Variants in ZNF704 observed in about 807,000 individuals in gnomAD.
ZNF704 encodes the protein glucocorticoid induced gene 1.
Under a neutral mutation model 44.7 loss-of-function variants are expected in ZNF704, and 10 were observed. That is an observed-to-expected ratio of 0.22 (90% CI 0.14 to 0.38). The LOEUF (loss-of-function observed/expected upper bound fraction) is 0.38, where lower values mean the gene tolerates loss of function less well. Among genes scored for constraint, ZNF704 ranks in the 10% least tolerant of loss-of-function variants. The pLI is 1.00. For synonymous variants in ZNF704, 211 were observed against 207.6 expected (o/e 1.02, Z -0.14); for missense variants, 390 against 545.5 (o/e 0.71, Z 2.84).
In ZNF704 at chr8:80,636,804, T is replaced by C. The variant is rs555405023; in HGVS notation, c.*4562A>G. On this transcript the variant is annotated 3_prime_UTR_variant, in exon 9 of 9. Coordinates refer to ENST00000327835, the MANE Select transcript of ZNF704 (RefSeq NM_001033723.3). Reference sequence around the variant, plus strand: ...TCAGTGCTACAGAAGATGTGGTCGATAGCAATTCTACAGGGTCATGAGAAA... The same window carrying C: ...TCAGTGCTACAGAAGATGTGGTCGACAGCAATTCTACAGGGTCATGAGAAA... 6 of 152,356 alleles carry C rather than the reference T, an allele frequency of 3.9e-5. No individual in the cohort carries two copies. Among genetic ancestry groups the C allele is most frequent in the Admixed American group, 2.6e-4 (4 of 15,298 alleles). The allele number at this position is 152,356 out of a possible 1,614,324, so 9.4% of individuals were successfully genotyped here. A position where few individuals can be genotyped will look rare whatever the true frequency, so the allele number is the denominator to read the frequency against.
intron 2 of ZNF704, among the ~76,000 whole-genome samples, chr8:80,779,441 T>A (rs2129697600): frequency 6.6e-6 from 1 of 152,194 alleles, no homozygotes; most frequent in Admixed American, 6.5e-5. Context: ...AGTTTTGAAA[T>A]CCTTTTATGT....
intron 2 of ZNF704, among the ~76,000 whole-genome samples, chr8:80,721,440 C>A (rs1336202813): frequency 6.6e-6 from 1 of 151,974 alleles, no homozygotes; most frequent in East Asian, 1.9e-4. Flanking sequence ...GTTTTGCATT[C>A]GAAGTTTCAC....
chr8:80,660,473 A>G (rs1372571696), intron 6 of ZNF704, among the ~76,000 whole-genome samples: 2 of 138,140 alleles, frequency 1.4e-5, no homozygotes, highest in South Asian at 2.1e-4. Context: ...CTTGTCTCAA[A>G]AAAAAAAAAA....
chr8:80,701,736 G>A (rs532785787), intron 2 of ZNF704, among the ~76,000 whole-genome samples: 14 of 152,334 alleles, frequency 9.2e-5, no homozygotes, highest in Admixed American at 7.2e-4. Context: ...ATTAAGTGAT[G>A]TAGAGAGATC....
At chr8:80,807,538 C>A (rs1039526821) in intron 2 of ZNF704, among the ~76,000 whole-genome samples, 2 of 151,682 alleles carry the variant, frequency 1.3e-5, no homozygotes, top group Non-Finnish European at 2.9e-5. Flanking sequence ...TTGACCCCCC[C>A]CAAAAAAAAG....
At chr8:80,646,781 G>C (rs1817841544) in intron 7 of ZNF704, among the ~76,000 whole-genome samples, 1 of 152,116 alleles carries the variant, frequency 6.6e-6, no homozygotes, top group African/African-American at 2.4e-5. Flanking sequence ...GACATCTACA[G>C]TCACTGTAGA....
Position 80,660,487 on chromosome 8 carries a change from A to C in ZNF704, c.928-798T>G, listed in dbSNP as rs1330872180. Among the ~76,000 whole-genome samples, 30 of 150,328 alleles carry C rather than the reference A, an allele frequency of 2.0e-4. 1 individual carries two copies. In the South Asian group the frequency reaches 6.0e-3, roughly 30 times the overall value. ...TCTTGTCTCAAAAAAAAAAAAAAAA[A>C]CCTGGAAATAACACAAATGCCCAGT... On this transcript the variant is annotated intron_variant, in intron 6 of 8. Transcript: ENST00000327835.
chr8:80,742,381 C>T (rs1427695269), intron 2 of ZNF704, among the ~76,000 whole-genome samples: 2 of 152,170 alleles, frequency 1.3e-5, no homozygotes, highest in Admixed American at 1.3e-4. Context: ...CTTTTGCCTG[C>T]AGCTAACCAA....
chr8:80,875,606 A>C (rs1342246162), upstream of ZNF704, among the ~76,000 whole-genome samples: 1 of 152,160 alleles, frequency 6.6e-6, no homozygotes. Context: ...GCCCGGCCTT[A>C]AGTCGTATTT....
At chr8:80,792,362 G>A (rs1198942437) in intron 2 of ZNF704, among the ~76,000 whole-genome samples, 8 of 152,134 alleles carry the variant, frequency 5.3e-5, no homozygotes, top group African/African-American at 1.9e-4. Flanking sequence ...TTTAACACTT[G>A]GAAATATGTA....
At chr8:80,835,888 T>C (rs1012556992) in intron 1 of ZNF704, among the ~76,000 whole-genome samples, 1 of 152,242 alleles carries the variant, frequency 6.6e-6, no homozygotes, top group African/African-American at 2.4e-5. Context: ...AGAAATCCTA[T>C]GAATTTTATC....
Position 80,734,319 on chromosome 8 carries a change from C to CTGGATTGTTTT in ZNF704, c.222-41213_222-41212insAAAACAATCCA, listed in dbSNP as rs1451145768. Among the ~76,000 whole-genome samples the CTGGATTGTTTT allele has an allele frequency of 3.9e-5, 6 of 152,214 alleles. No homozygotes were observed. In the South Asian group the frequency reaches 1.2e-3, roughly 32 times the overall value. On this transcript the variant is annotated intron_variant, in intron 2 of 8. Transcript: ENST00000327835. ...GGTCCACAGGACCCTGGGAATATTT[C>CTGGATTGTTTT]CACGTTTTCTGGATTGTTTAATATT...
intron 1 of ZNF704, among the ~76,000 whole-genome samples, chr8:80,840,797 T>TAA (rs1808665320): frequency 6.6e-6 from 1 of 152,210 alleles, no homozygotes; most frequent in Admixed American, 6.5e-5. Flanking sequence ...AGCCTATCAC[T>TAA]AAGTTTAATA....
At chr8:80,872,450 A>T (rs1809268816) in intron 1 of ZNF704, among the ~76,000 whole-genome samples, 1 of 152,268 alleles carries the variant, frequency 6.6e-6, no homozygotes, top group East Asian at 1.9e-4. Flanking sequence ...GAGCCCCCAA[A>T]GCTTTTTTTA....
intron 2 of ZNF704, among the ~76,000 whole-genome samples, chr8:80,742,835 A>G (rs1460449213): frequency 2.0e-5 from 3 of 152,014 alleles, no homozygotes; most frequent in Non-Finnish European, 2.9e-5. Flanking sequence ...CCCCAAGAGC[A>G]CTTGGGTTTT....
intron 7 of ZNF704, among the ~76,000 whole-genome samples, chr8:80,646,570 T>C (rs1372907440): frequency 3.9e-5 from 6 of 152,168 alleles, no homozygotes; most frequent in African/African-American, 1.2e-4. Context: ...CTGGTCTTCA[T>C]GCTAAAGTTG....
chr8:80,766,098 A>G (rs1017894500), intron 2 of ZNF704, among the ~76,000 whole-genome samples: 42 of 152,124 alleles, frequency 2.8e-4, no homozygotes, highest in African/African-American at 1.0e-3. Context: ...AGAATATGCT[A>G]CTTCTTCTAT....
At chr8:80,841,752 G>C (rs995737290) in intron 1 of ZNF704, among the ~76,000 whole-genome samples, 1 of 152,140 alleles carries the variant, frequency 6.6e-6, no homozygotes, top group Admixed American at 6.5e-5. Context: ...TAGGAACAAT[G>C]CCAGAAATTC....
At chr8:80,850,034 G>A (rs1489784131) in intron 1 of ZNF704, among the ~76,000 whole-genome samples, 6 of 152,060 alleles carry the variant, frequency 3.9e-5, no homozygotes, top group African/African-American at 1.2e-4. Context: ...CATATGTAAT[G>A]GTAACTTTTT....
Sources: gnomAD v4.1 joint callset for allele counts (sites outside exome capture counted in the v4.1 genomes callset) on GRCh38, gnomAD v4.1.1 for gene constraint, MANE v1.5 for transcripts, NCBI Gene and HGNC (gene_info 2026-07-23, HGNC 2026-07-21) for gene names.